Variants in SLC71A1 observed in about 807,000 individuals in gnomAD.
SLC71A1 encodes the protein solute carrier family 71 member 1, also known as hippocampus abundant gene transcript 1.
the SLC71A1 span, chr1:100,067,957 C>G: frequency 6.2e-6 from 10 of 1,604,800 alleles, no homozygotes; most frequent in Non-Finnish European, 6.0e-6. Flanking sequence ...TAATCTCTGT[C>G]TATCCTTAAT....
At chr1:100,049,586 T>C in the SLC71A1 span, among the ~76,000 whole-genome samples, 2 of 152,142 alleles carry the variant, frequency 1.3e-5, no homozygotes, top group Non-Finnish European at 2.9e-5. Context: ...TGAGCCATCT[T>C]TTCCACCCTA....
At chr1:100,052,412 C>T in the SLC71A1 span, among the ~76,000 whole-genome samples, 1 of 145,746 alleles carries the variant, frequency 6.9e-6, no homozygotes, top group Non-Finnish European at 1.5e-5. Context: ...GACTAATGTG[C>T]TTAATATATT....
the SLC71A1 span, chr1:100,050,075 G>T: frequency 1.2e-6 from 1 of 827,972 alleles, no homozygotes; most frequent in South Asian, 1.5e-5. Flanking sequence ...AGGAAAATGT[G>T]GGCCTTTTCC....
At chr1:100,054,872 G>A in the SLC71A1 span, among the ~76,000 whole-genome samples, 2 of 152,272 alleles carry the variant, frequency 1.3e-5, no homozygotes, top group South Asian at 4.1e-4. Context: ...GTTAGAAATT[G>A]TATGGCCCCA....
At chr1:100,068,730 C>A in the SLC71A1 span, 1 of 614,438 alleles carries the variant, frequency 1.6e-6, no homozygotes, top group Non-Finnish European at 2.9e-6. Context: ...CGCCTGTAAT[C>A]TCAGCACTTT....
chr1:100,080,677 T>C, the SLC71A1 span: 2 of 1,606,438 alleles, frequency 1.2e-6, no homozygotes, highest in Admixed American at 1.7e-5. Context: ...TCATTCAACA[T>C]GATCAAATTG....
the SLC71A1 span, among the ~76,000 whole-genome samples, chr1:100,075,507 G>C: frequency 2.6e-5 from 4 of 152,226 alleles, no homozygotes; most frequent in East Asian, 7.7e-4. Context: ...TCAGACAGTT[G>C]GAGGCCACAG....
chr1:100,077,169 T>C, the SLC71A1 span: 50 of 1,218,972 alleles, frequency 4.1e-5, no homozygotes, highest in Non-Finnish European at 5.5e-5. Context: ...TTTCAGACCA[T>C]AGTCTTGAGT....
the SLC71A1 span, chr1:100,083,188 TAAA>T: frequency 1.3e-5 from 2 of 152,506 alleles, no homozygotes; most frequent in African/African-American, 2.4e-5. Flanking sequence ...TTATATTATT[TAAA>T]AAAGTGTTAC....
At chr1:100,054,718 TAAAA>T in the SLC71A1 span, among the ~76,000 whole-genome samples, 1 of 152,050 alleles carries the variant, frequency 6.6e-6, no homozygotes, top group Non-Finnish European at 1.5e-5. Context: ...TTTTTAAAGT[TAAAA>T]AAAAGTTAAG....
the SLC71A1 span, among the ~76,000 whole-genome samples, chr1:100,046,238 TTTTTTTG>T: frequency 6.4e-5 from 8 of 125,568 alleles, no homozygotes; most frequent in African/African-American, 2.7e-4. Flanking sequence ...TTTTTTTTTT[TTTTTTTG>T]AGACAGAGTC....
the SLC71A1 span, among the ~76,000 whole-genome samples, chr1:100,046,219 T>TG: frequency 2.4e-5 from 2 of 81,666 alleles, no homozygotes; most frequent in Non-Finnish European, 4.5e-5. Flanking sequence ...CTCGTTTTTT[T>TG]TTTTTTTTTT....
the SLC71A1 span, among the ~76,000 whole-genome samples, chr1:100,066,094 T>A: frequency 6.6e-6 from 1 of 152,218 alleles, no homozygotes; most frequent in Non-Finnish European, 1.5e-5. Context: ...TTTTCAACTT[T>A]AATCTTCATC....
At chr1:100,039,542 GAAAC>G in the SLC71A1 span, among the ~76,000 whole-genome samples, 10 of 152,230 alleles carry the variant, frequency 6.6e-5, no homozygotes, top group East Asian at 3.9e-4. Flanking sequence ...TTGAAAAAAA[GAAAC>G]AAATTCCTCA....
chr1:100,042,274 G>A, the SLC71A1 span, among the ~76,000 whole-genome samples: 1 of 152,214 alleles, frequency 6.6e-6, no homozygotes, highest in Non-Finnish European at 1.5e-5. Context: ...TTGATAGAAA[G>A]TAAGGCATAT....
At chr1:100,038,141 TCGG>T in the SLC71A1 span, 1 of 1,171,856 alleles carries the variant, frequency 8.5e-7, no homozygotes, top group Non-Finnish European at 1.2e-6. Flanking sequence ...CCAGAGCGGC[TCGG>T]CCCGGCAGTA....
the SLC71A1 span, chr1:100,082,283 C>A: frequency 9.1e-7 from 1 of 1,098,246 alleles, no homozygotes; most frequent in Non-Finnish European, 1.4e-6. Flanking sequence ...ATGTACATTC[C>A]ATTTCCATCC....
chr1:100,046,228 T>TG, the SLC71A1 span, among the ~76,000 whole-genome samples: 3 of 107,130 alleles, frequency 2.8e-5, no homozygotes, highest in Non-Finnish European at 5.7e-5. Context: ...TTTTTTTTTT[T>TG]TTTTTTTTTT....
At chr1:100,072,279 G>A in the SLC71A1 span, among the ~76,000 whole-genome samples, 1 of 152,124 alleles carries the variant, frequency 6.6e-6, no homozygotes, top group Non-Finnish European at 1.5e-5. Flanking sequence ...CTCCATTAAT[G>A]CATGTTTGCT....
Sources: gnomAD v4.1 joint callset for allele counts (sites outside exome capture counted in the v4.1 genomes callset) on GRCh38, gnomAD v4.1.1 for gene constraint, MANE v1.5 for transcripts, NCBI Gene and HGNC (gene_info 2026-07-23, HGNC 2026-07-21) for gene names.